ZZEF1: variants seen among roughly 807,000 people sequenced by gnomAD.
The protein encoded by ZZEF1 is zinc finger ZZ-type and EF-hand domain-containing protein 1.
ZZEF1 carries 157 observed loss-of-function variants against 342.8 expected under a neutral mutation model. That is an observed-to-expected ratio of 0.46 (90% CI 0.40 to 0.52). The LOEUF is 0.52. ZZEF1 is among the 20% of genes least tolerant of loss of function. The probability of loss-of-function intolerance (pLI) is 0.00; values close to 1 mark genes in which losing one functional copy is unlikely to be tolerated. For missense variants in ZZEF1, 3,480 were observed against 3,725.6 expected, an observed-to-expected ratio of 0.93 and a Z score of 1.72; for synonymous variants, 1,505 against 1,429.1, an observed-to-expected ratio of 1.05 and a Z score of -1.20.
At chr17:4,018,349 G>A (rs889457718) in intron 46 of ZZEF1, among the ~76,000 whole-genome samples, 17 of 152,078 alleles carry the variant, frequency 1.1e-4, no homozygotes, top group African/African-American at 4.1e-4. Flanking sequence ...GGGCTCAAGC[G>A]ATCCTCCTGC....
chr17:4,043,343 T>C (rs1016521051), intron 38 of ZZEF1, among the ~76,000 whole-genome samples: 7 of 152,208 alleles, frequency 4.6e-5, no homozygotes, highest in Non-Finnish European at 2.9e-5. Flanking sequence ...GAGACTCCAG[T>C]GAATTTTGAT....
rs376137303 is a variant in ZZEF1, at chr17:4,009,992, G to A, written c.8580-235C>T. Among the ~76,000 whole-genome samples, 14 of 152,244 alleles carry A rather than the reference G, an allele frequency of 9.2e-5. No individual in the cohort carries two copies. The South Asian group carries it at 2.9e-3, about 32-fold the overall frequency. On this transcript the variant is annotated intron_variant, in intron 52 of 54. Coordinates refer to ENST00000381638, the MANE Select transcript of ZZEF1 (RefSeq NM_015113.4). ...CCAGGCTCCAAGGGAACAGGAGGTC[G>A]GAAATGTGCTCACGGGGATTACTGT...
At chr17:4,069,529 A>G (rs1313921265) in intron 26 of ZZEF1, among the ~76,000 whole-genome samples, 2 of 152,136 alleles carry the variant, frequency 1.3e-5, no homozygotes, top group Non-Finnish European at 2.9e-5. Context: ...AGGAATAAAA[A>G]TATCAATAAT....
At chr17:4,062,982 C>T (rs2145224317) in intron 29 of ZZEF1, 65 bp from the exon 30 acceptor site, 3 of 1,519,182 alleles carry the variant, frequency 2.0e-6, no homozygotes, top group Non-Finnish European at 1.8e-6. Flanking sequence ...CGGAAAATAT[C>T]CCCGCCAAAG....
intron 37 of ZZEF1, among the ~76,000 whole-genome samples, chr17:4,045,456 T>C (rs1392613880): frequency 2.0e-5 from 3 of 152,236 alleles, no homozygotes; most frequent in African/African-American, 4.8e-5. Flanking sequence ...CAAACCTTTA[T>C]TTACAGAATA....
chr17:4,073,104 G>A (rs2057542413), intron 24 of ZZEF1, among the ~76,000 whole-genome samples: 2 of 152,172 alleles, frequency 1.3e-5, no homozygotes, highest in African/African-American at 4.8e-5. Context: ...TTCACAATTT[G>A]TAAACTTAAT....
In ZZEF1 at chr17:4,008,619, C is replaced by A. The variant is rs1381927490; in HGVS notation, c.8805+264G>T. On this transcript the variant is annotated intron_variant, in intron 54 of 54. Coordinates refer to ENST00000381638, the MANE Select transcript of ZZEF1 (RefSeq NM_015113.4). This position sits in a 1 kb window ranked among gnomAD's most constrained non-coding sequence, Gnocchi z 4.2. Reference sequence around the variant, plus strand: ...ACGGAAACTTCAAGAATCAGCCAAACTAAATTTAAGGCATCGGTTGTTTTG... The same window carrying A: ...ACGGAAACTTCAAGAATCAGCCAAAATAAATTTAAGGCATCGGTTGTTTTG... 2.5e-6 allele frequency: 3 copies of A among 1,180,110 alleles called. No individual in the cohort carries two copies. Among genetic ancestry groups the A allele is most frequent in the Non-Finnish European group, 3.1e-6 (3 of 953,720 alleles). The allele number at this position is 1,180,110 out of a possible 1,614,324, so 73.1% of individuals were successfully genotyped here.
chr17:4,029,200 A>C (rs2056482362), intron 42 of ZZEF1, among the ~76,000 whole-genome samples: 1 of 152,214 alleles, frequency 6.6e-6, no homozygotes, highest in African/African-American at 2.4e-5. Flanking sequence ...ATGAAAACAG[A>C]CCTAATTTTG....
chr17:4,123,303 A>ATATATG (rs2058518964), intron 2 of ZZEF1, among the ~76,000 whole-genome samples: 3 of 139,556 alleles, frequency 2.1e-5, no homozygotes, highest in Non-Finnish European at 3.1e-5. Flanking sequence ...ATATATATAT[A>ATATATG]TATATATCAG....
At position 4,074,188 on chromosome 17, in the gene ZZEF1, C is replaced by A; in HGVS notation, c.3647G>T (p.Arg1216Leu). The A allele has an allele frequency of 1.9e-6, 3 of 1,613,990 alleles. No individual in the cohort carries two copies. Among genetic ancestry groups the A allele is most frequent in the Middle Eastern group, 3.3e-4 (2 of 6,060 alleles). The change falls in exon 24 of 55, where the codon CGC becomes CTC. Residue 1216 changes from arginine (R) to leucine (L), a missense_variant. Around this residue, in one of 5 missense-constraint regions of ZZEF1, gnomAD observed 1,528 missense variants for 1,624.1 expected, o/e 0.94. Coordinates refer to ENST00000381638, the MANE Select transcript of ZZEF1 (RefSeq NM_015113.4). ...LQLLVSRLMG[R>L]LASQCMALKS... ...GAGCGCCATGCACTGGGAAGCCAGG[C>A]GTCCCATCAGCCGGGAGACGAGGAG...
chr17:4,021,816 T>A (rs545777073), intron 44 of ZZEF1, among the ~76,000 whole-genome samples: 1 of 152,174 alleles, frequency 6.6e-6, no homozygotes, highest in African/African-American at 2.4e-5. Flanking sequence ...TTGAATACGA[T>A]GCTCATGATG....
chr17:4,062,958 T>C, intron 29 of ZZEF1, 41 bp from the exon 30 acceptor site: 1 of 1,575,160 alleles, frequency 6.3e-7, no homozygotes, highest in Non-Finnish European at 8.6e-7. Context: ...AGAAAACTCT[T>C]GAGCTGGGGC....
At chr17:4,096,890 A>C (rs1034924895) in intron 9 of ZZEF1, among the ~76,000 whole-genome samples, 190 bp from the exon 10 acceptor site, 6 of 152,148 alleles carry the variant, frequency 3.9e-5, no homozygotes, top group African/African-American at 1.4e-4. Context: ...GTAAGCAGAG[A>C]ACTGACCAGG....
Position 4,062,793 on chromosome 17 carries a change from A to G in ZZEF1, c.4843T>C (p.Phe1615Leu). 1.9e-6 allele frequency: 3 copies of G among 1,612,298 alleles called. No homozygotes were observed. The highest frequency in any genetic ancestry group is 1.7e-6 in the Non-Finnish European group (2 of 1,179,082). ...PHCFHPPFIL[F>L]LLELLTCQKD... is the part of the protein sequence containing the mutation. ...TGACAGGTCAGAAGTTCCAACAGGAAAAGTATGAAAGGTGGATGGAAGCAG... is the reference window on the plus strand; with the variant it reads ...TGACAGGTCAGAAGTTCCAACAGGAGAAGTATGAAAGGTGGATGGAAGCAG... Residue 1615 changes from phenylalanine to leucine, a missense_variant, in exon 30 of 55, where the codon TTC becomes CTC. Phe to Leu is a conservative substitution (Grantham distance 22). Around this residue, in one of 5 missense-constraint regions of ZZEF1, gnomAD observed 1,528 missense variants for 1,624.1 expected, o/e 0.94. Transcript: ENST00000381638.
chr17:4,056,461 G>A, intron 32 of ZZEF1, 116 bp from the exon 33 acceptor site: 1 of 1,103,606 alleles, frequency 9.1e-7, no homozygotes, highest in Middle Eastern at 2.2e-4. Flanking sequence ...CAACTTCTGA[G>A]AGGGAAAGGT....
intron 42 of ZZEF1, among the ~76,000 whole-genome samples, chr17:4,029,791 T>A (rs2145037658): frequency 6.6e-6 from 1 of 151,170 alleles, no homozygotes; most frequent in Admixed American, 6.6e-5. Context: ...GGAGAATCAC[T>A]TGAACCCAGG....
rs200123137 is a variant in ZZEF1 at position 4,064,314 on chromosome 17, C to T, written c.4718+47G>A. The T allele has an allele frequency of 3.2e-4, 475 of 1,476,112 alleles. 4 individuals are homozygous for T. In the East Asian group the frequency reaches 5.6e-3, roughly 17 times the overall value. The allele number at this position is 1,476,112 out of a possible 1,614,324, so 91.4% of individuals were successfully genotyped here. ...TCAAGCCTCTGACTAGACTGGGTACCTACGGCTTAAAAAGAGAAAGCGACA... is the reference window on the plus strand; with the variant it reads ...TCAAGCCTCTGACTAGACTGGGTACTTACGGCTTAAAAAGAGAAAGCGACA... On this transcript the variant is annotated intron_variant, in intron 29 of 54. Transcript: ENST00000381638.
At chr17:4,131,742 G>A (rs1180240479) in intron 1 of ZZEF1, among the ~76,000 whole-genome samples, 1 of 151,914 alleles carries the variant, frequency 6.6e-6, no homozygotes, top group Non-Finnish European at 1.5e-5. Context: ...TTGCACCACT[G>A]TACTCCAGCC....
Position 4,052,019 on chromosome 17 carries a change from T to A in ZZEF1, c.5552A>T (p.Asp1851Val), listed in dbSNP as rs145029526. ...ATAGCATCCGTAGCAAAGATCAAAG[T>A]CATCGCAAACATTGCAGTTCATCCT... ...GRRMNCNVCD[D>V]FDLCYGCYAA... The change falls in exon 35 of 55, where the codon GAC becomes GTC. Residue 1851 changes from aspartate (D) to valine (V), a missense_variant. This residue lies in a region of ZZEF1 where 175 missense variants were observed against 254.6 expected (regional missense o/e 0.69). Transcript: ENST00000381638. 19 of 1,614,092 alleles carry A rather than the reference T, an allele frequency of 1.2e-5. No homozygotes were observed. In the African/African-American group the frequency reaches 2.3e-4, roughly 19 times the overall value.
Sources: allele counts gnomAD v4.1 joint callset (sites outside exome capture counted in the v4.1 genomes callset), GRCh38; gene constraint gnomAD v4.1.1; regional missense constraint gnomAD v4.1.1; non-coding constraint Gnocchi (gnomAD v3.1); transcripts MANE v1.5; gene names NCBI Gene and HGNC (gene_info 2026-07-23, HGNC 2026-07-21).